PRMT3: variants seen among roughly 807,000 people sequenced by gnomAD.
The protein encoded by PRMT3 is protein arginine N-methyltransferase 3.
A neutral mutation model predicts 71.9 loss-of-function variants in PRMT3; 62 were observed. The ratio of observed to expected loss-of-function variants is 0.86; its 90% confidence interval spans 0.70 to 1.07. The LOEUF is 1.07. Among genes scored for constraint, PRMT3 ranks in the 50% least tolerant of loss-of-function variants. PRMT3 has a pLI of 0.00. For synonymous variants in PRMT3, 213 were observed against 220.4 expected (o/e 0.97, Z 0.30); for missense variants, 663 against 643.0 (o/e 1.03, Z -0.34).
intron 7 of PRMT3, among the ~76,000 whole-genome samples, chr11:20,399,989 A>C (rs2133309110): frequency 6.6e-6 from 1 of 152,352 alleles, no homozygotes; most frequent in South Asian, 2.1e-4. Context: ...TCTATAGGAC[A>C]TATGGATAGT....
At chr11:20,490,602 T>G (rs866508961) in intron 13 of PRMT3, among the ~76,000 whole-genome samples, 1 of 151,944 alleles carries the variant, frequency 6.6e-6, no homozygotes. Context: ...TTGTGAAAAT[T>G]TGGGTTTAAA....
intron 10 of PRMT3, among the ~76,000 whole-genome samples, chr11:20,440,780 T>G (rs1391820656): frequency 1.3e-5 from 2 of 152,184 alleles, no homozygotes; most frequent in African/African-American, 4.8e-5. Context: ...CACTGGTTAC[T>G]GTTGTGTTTG....
chr11:20,440,144 G>A (rs1452518153), intron 10 of PRMT3, among the ~76,000 whole-genome samples: 1 of 152,174 alleles, frequency 6.6e-6, no homozygotes, highest in Non-Finnish European at 1.5e-5. Flanking sequence ...GATAATAAAA[G>A]GGGATATATT....
At chr11:20,460,843 C>T (rs541643718) in intron 11 of PRMT3, among the ~76,000 whole-genome samples, 288 of 152,306 alleles carry the variant, frequency 1.9e-3, no homozygotes, top group Non-Finnish European at 3.3e-3. Flanking sequence ...CTGAGTTCTA[C>T]TTCATAAATA....
intron 10 of PRMT3, among the ~76,000 whole-genome samples, chr11:20,430,158 T>A (rs1849625328): frequency 6.6e-6 from 1 of 152,194 alleles, no homozygotes; most frequent in African/African-American, 2.4e-5. Context: ...TTATTTTATT[T>A]TTTACATACA....
chr11:20,462,259 C>T, intron 12 of PRMT3, 92 bp downstream of exon 12: 1 of 1,026,508 alleles, frequency 9.7e-7, no homozygotes, highest in Non-Finnish European at 1.4e-6. Flanking sequence ...TATATATGGG[C>T]TTTCAAAACA....
chr11:20,496,021 T>C (rs185757890), intron 15 of PRMT3, among the ~76,000 whole-genome samples: 10 of 152,346 alleles, frequency 6.6e-5, no homozygotes, highest in Admixed American at 1.3e-4. Context: ...AACAGTTTGA[T>C]ACTATGAAGC....
intron 10 of PRMT3, 46 bp downstream of exon 10, chr11:20,426,911 A>G (rs925897283): frequency 6.8e-7 from 1 of 1,478,632 alleles, no homozygotes; most frequent in Admixed American, 3.1e-5. Flanking sequence ...AAATGAAAAA[A>G]CTTTTTTAAA....
chr11:20,443,221 G>A (rs1849948584), intron 10 of PRMT3, among the ~76,000 whole-genome samples: 1 of 152,178 alleles, frequency 6.6e-6, no homozygotes, highest in African/African-American at 2.4e-5. Flanking sequence ...CCTGTCTTAT[G>A]CATATTGGAG....
At chr11:20,476,788 T>TTTTTATCTGAATTCCTTGACA (rs1420391748) in intron 13 of PRMT3, among the ~76,000 whole-genome samples, 37 of 152,184 alleles carry the variant, frequency 2.4e-4, no homozygotes, top group Non-Finnish European at 4.6e-4. Context: ...TTGATCCATC[T>TTTTTATCTGAATTCCTTGACA]TTTTATCTGA....
At chr11:20,447,602 G>A (rs1365351295) in intron 10 of PRMT3, among the ~76,000 whole-genome samples, 1 of 152,080 alleles carries the variant, frequency 6.6e-6, no homozygotes, top group Non-Finnish European at 1.5e-5. Flanking sequence ...AGTATACTTT[G>A]TTACATGAAT....
chr11:20,412,413 T>A (rs1849214732), intron 9 of PRMT3, among the ~76,000 whole-genome samples: 1 of 151,192 alleles, frequency 6.6e-6, no homozygotes, highest in Non-Finnish European at 1.5e-5. Context: ...CCCCCACCTT[T>A]GTTTTGAAGT....
intron 13 of PRMT3, among the ~76,000 whole-genome samples, chr11:20,477,081 A>G (rs1850808544): frequency 6.6e-6 from 1 of 152,226 alleles, no homozygotes; most frequent in South Asian, 2.1e-4. Context: ...TGGGAAGACC[A>G]TCAAAATAAA....
chr11:20,423,658 G>C (rs1849474685), intron 9 of PRMT3, among the ~76,000 whole-genome samples: 1 of 152,026 alleles, frequency 6.6e-6, no homozygotes, highest in African/African-American at 2.4e-5. Flanking sequence ...TTCCATTGAA[G>C]ATAATTTGCC....
chr11:20,399,665 T>G (rs1369649582), intron 7 of PRMT3, among the ~76,000 whole-genome samples: 2 of 152,168 alleles, frequency 1.3e-5, no homozygotes, highest in Non-Finnish European at 2.9e-5. Flanking sequence ...TCAGACAGAT[T>G]AAAGGTCACC....
At chr11:20,422,249 A>G (rs1590052578) in intron 9 of PRMT3, among the ~76,000 whole-genome samples, 1 of 151,974 alleles carries the variant, frequency 6.6e-6, no homozygotes, top group African/African-American at 2.4e-5. Context: ...CCAACAGTGA[A>G]TCACCAGGCT....
chr11:20,401,636 A>G (rs1367045071), intron 7 of PRMT3, among the ~76,000 whole-genome samples: 1 of 152,126 alleles, frequency 6.6e-6, no homozygotes, highest in Non-Finnish European at 1.5e-5. Flanking sequence ...TGTTCTTTTC[A>G]CCCTAATGTG....
chr11:20,393,203 C>A (rs1290972811), intron 5 of PRMT3, among the ~76,000 whole-genome samples: 1 of 152,154 alleles, frequency 6.6e-6, no homozygotes, highest in Admixed American at 6.5e-5. Context: ...AATCCCAACA[C>A]TTTGGGAGGC....
At chr11:20,388,233 G>A in intron 2 of PRMT3, 79 bp downstream of exon 2, 1 of 1,593,326 alleles carries the variant, frequency 6.3e-7, no homozygotes, top group Admixed American at 1.7e-5. Flanking sequence ...ACGCCTTCGG[G>A]CGGGAGGCAA....
Sources: gnomAD v4.1 joint callset for allele counts (sites outside exome capture counted in the v4.1 genomes callset) on GRCh38, gnomAD v4.1.1 for gene constraint, MANE v1.5 for transcripts, NCBI Gene and HGNC (gene_info 2026-07-23, HGNC 2026-07-21) for gene names.